Variants in SCN3B observed in about 807,000 individuals in gnomAD.
The protein encoded by SCN3B is sodium voltage-gated channel beta subunit 3.
In SCN3B, 11 loss-of-function variants were observed where a neutral mutation model predicts 25.4. The ratio of observed to expected loss-of-function variants is 0.43; its 90% confidence interval spans 0.27 to 0.72. SCN3B has a LOEUF of 0.72. Ranked by LOEUF, SCN3B falls within the 30% of genes least tolerant of loss-of-function variation. The probability of loss-of-function intolerance (pLI) is 0.18; values close to 1 mark genes in which losing one functional copy is unlikely to be tolerated. For synonymous variants in SCN3B, 109 were observed against 110.7 expected (o/e 0.99, Z 0.09); for missense variants, 218 against 278.3 (o/e 0.78, Z 1.54).
At chr11:123,654,137 C>T in intron 1 of SCN3B, 89 bp downstream of exon 1, 1 of 452,384 alleles carries the variant, frequency 2.2e-6, no homozygotes, top group East Asian at 4.4e-5. Context: ...CCCTGCCTCG[C>T]TCGTTTGCGC....
rs1037989225 is a variant in SCN3B at position 123,630,907 on chromosome 11, G to T, written c.*2892C>A. On this transcript the variant is annotated 3_prime_UTR_variant, in exon 7 of 7. Transcript: ENST00000299333. ...GGTCTAAGTGGAAAGAGAACTGAAA[G>T]AGGAGTCAGAAGACCTGGATTCTTG... is the stretch of plus-strand genomic sequence containing the variant. 6.6e-6 allele frequency: 1 copy of T among 152,220 alleles called. No homozygotes were observed. Among genetic ancestry groups the T allele is most frequent in the Admixed American group, 6.5e-5 (1 of 15,282 alleles). The allele number at this position is 152,220 out of a possible 1,614,324, so 9.4% of individuals were successfully genotyped here.
chr11:123,650,332 T>A (rs1337048207), intron 2 of SCN3B, among the ~76,000 whole-genome samples: 1 of 152,218 alleles, frequency 6.6e-6, no homozygotes, highest in Non-Finnish European at 1.5e-5. Flanking sequence ...TTTTTCCTCC[T>A]GAGATTGCTC....
chr11:123,640,106 A>G (rs1955770536), intron 4 of SCN3B: 1 of 152,234 alleles, frequency 6.6e-6, no homozygotes, highest in Admixed American at 6.5e-5. Flanking sequence ...AGGCTCCAGG[A>G]TCACCCAGGT....
intron 5 of SCN3B, among the ~76,000 whole-genome samples, chr11:123,635,664 C>T (rs1338619478): frequency 6.7e-6 from 1 of 149,846 alleles, no homozygotes; most frequent in African/African-American, 2.5e-5. Flanking sequence ...CCAGCCTGGG[C>T]AACAGAGCGA....
chr11:123,644,363 T>C (rs533874599), intron 3 of SCN3B, among the ~76,000 whole-genome samples: 7 of 152,188 alleles, frequency 4.6e-5, no homozygotes, highest in Non-Finnish European at 1.0e-4. Context: ...ATGACCAACA[T>C]GTCCAAGGAC....
chr11:123,637,751 A>G (rs1955744790), intron 5 of SCN3B, among the ~76,000 whole-genome samples: 1 of 151,896 alleles, frequency 6.6e-6, no homozygotes, highest in Non-Finnish European at 1.5e-5. Flanking sequence ...ACTGGTCTTG[A>G]ACTCCTGACC....
intron 6 of SCN3B, 168 bp from the exon 7 acceptor site, chr11:123,633,944 G>T (rs764876714): frequency 6.7e-6 from 4 of 593,026 alleles, no homozygotes; most frequent in African/African-American, 5.5e-5. Context: ...CTTCCGAAGC[G>T]CTGACATCAT....
intron 2 of SCN3B, among the ~76,000 whole-genome samples, chr11:123,649,644 TTC>T (rs1555116401): frequency 2.0e-5 from 3 of 151,578 alleles, no homozygotes; most frequent in Admixed American, 2.0e-4. Context: ...TTTCTTTTTT[TTC>T]TTTCTTTCTC....
At chr11:123,650,663 G>C (rs961568142) in intron 2 of SCN3B, among the ~76,000 whole-genome samples, 1 of 152,116 alleles carries the variant, frequency 6.6e-6, no homozygotes, top group African/African-American at 2.4e-5. Context: ...GAAATGGGAG[G>C]ACAGGTGCCC....
At chr11:123,649,618 C>A (rs1214848148) in intron 2 of SCN3B, among the ~76,000 whole-genome samples, 1 of 150,294 alleles carries the variant, frequency 6.7e-6, no homozygotes, top group East Asian at 1.9e-4. Context: ...TTTTTCTTTT[C>A]TTTCTTTTTT....
intron 2 of SCN3B, among the ~76,000 whole-genome samples, chr11:123,649,491 CCT>C (rs951514280): frequency 3.3e-5 from 5 of 152,210 alleles, no homozygotes; most frequent in African/African-American, 1.2e-4. Context: ...AGTTCCCCCA[CCT>C]CTGTTTGCTT....
chr11:123,637,584 A>C (rs1282162005), intron 5 of SCN3B, among the ~76,000 whole-genome samples: 1 of 152,162 alleles, frequency 6.6e-6, no homozygotes, highest in Non-Finnish European at 1.5e-5. Context: ...GCTGGAGAGC[A>C]GTGGCACGAT....
chr11:123,638,095 G>A lies in SCN3B; in HGVS notation c.584+91C>T, dbSNP rs2276023. On this transcript the variant is annotated intron_variant, in intron 5 of 6. Transcript: ENST00000299333. Reference sequence around the variant, plus strand: ...AGCAGTGATCATGAAGAGGGTGGAGGATGAATGTAAACTGCTTAGCACCTC... The same window carrying A: ...AGCAGTGATCATGAAGAGGGTGGAGAATGAATGTAAACTGCTTAGCACCTC... 0.029 allele frequency: 41,380 copies of A among 1,440,496 alleles called. 1,169 individuals carry two copies. Among genetic ancestry groups the A allele is most frequent in the East Asian group, 0.17 (7,498 of 43,190 alleles). 89.2% of individuals were successfully genotyped at this position (1,440,496 alleles called of 1,614,324 possible). A position where few individuals can be genotyped will look rare whatever the true frequency, so the allele number is the denominator to read the frequency against.
intron 2 of SCN3B, among the ~76,000 whole-genome samples, chr11:123,650,777 C>A (rs1955915342): frequency 6.6e-6 from 1 of 151,978 alleles, no homozygotes; most frequent in Non-Finnish European, 1.5e-5. Context: ...AGTCCTTTCC[C>A]TTCCCCGAGC....
chr11:123,646,560 A>C (rs1343506346), intron 2 of SCN3B, among the ~76,000 whole-genome samples: 1 of 152,238 alleles, frequency 6.6e-6, no homozygotes, highest in Admixed American at 6.5e-5. Flanking sequence ...ACAATGGTCT[A>C]TGCAGAGGAG....
At chr11:123,633,919 G>A (rs1955698226) in intron 6 of SCN3B, 143 bp from the exon 7 acceptor site, 2 of 545,040 alleles carry the variant, frequency 3.7e-6, no homozygotes, top group Non-Finnish European at 6.8e-6. Context: ...CGACACTCAG[G>A]TCAAAGCAGT....
At chr11:123,643,652 C>T (rs1955815124) in intron 3 of SCN3B, among the ~76,000 whole-genome samples, 1 of 152,254 alleles carries the variant, frequency 6.6e-6, no homozygotes, top group African/African-American at 2.4e-5. Context: ...TGTGGATTTC[C>T]ATGGATGTTT....
Position 123,638,504 on chromosome 11 carries a change from T to G in SCN3B, c.446-180A>C, listed in dbSNP as rs1955754256. The stretch of plus-strand genomic sequence containing the variant: ...GGCTTTCTCACTGACTGTCATCAGC[T>G]GCTCAGGAGCCAGGGAAGAGGGAGT... On this transcript the variant is annotated intron_variant, in intron 4 of 6. Transcript: ENST00000299333. 5.2e-6 allele frequency: 4 copies of G among 774,260 alleles called. No individual in the cohort carries two copies. The African/African-American group carries it at 6.9e-5, about 13-fold the overall frequency. The allele number at this position is 774,260 out of a possible 1,614,324, so 48.0% of individuals were successfully genotyped here.
Position 123,642,950 on chromosome 11 carries a change from G to C in SCN3B, c.220-279C>G, listed in dbSNP as rs1382757107. 6.6e-6 allele frequency among the ~76,000 whole-genome samples: 1 copy of C among 152,040 alleles called. No individual in the cohort carries two copies. The highest frequency in any genetic ancestry group is 2.4e-5 in the African/African-American group (1 of 41,384). ...GGCAGCCACGGGCGTGTAGGAAGAAGCTTGGCAGAAAAAAAGGGGTGGAAA... is the reference window on the plus strand; with the variant it reads ...GGCAGCCACGGGCGTGTAGGAAGAACCTTGGCAGAAAAAAAGGGGTGGAAA... On this transcript the variant is annotated intron_variant, in intron 3 of 6. Coordinates refer to ENST00000299333, the MANE Select transcript of SCN3B (RefSeq NM_001040151.2). The surrounding 1 kb of genome is among the most constrained non-coding windows in gnomAD (Gnocchi z 4.3).
Sources: allele counts gnomAD v4.1 joint callset (sites outside exome capture counted in the v4.1 genomes callset), GRCh38; gene constraint gnomAD v4.1.1; non-coding constraint Gnocchi (gnomAD v3.1); transcripts MANE v1.5; gene names NCBI Gene and HGNC (gene_info 2026-07-23, HGNC 2026-07-21).